Variants in AK5 observed in about 807,000 individuals in gnomAD.
AK5 encodes adenylate kinase 5.
AK5 carries 27 observed loss-of-function variants against 69.5 expected under a neutral mutation model. That is an observed-to-expected ratio of 0.39 (90% CI 0.29 to 0.54). The LOEUF is 0.54. AK5 is among the 20% of genes least tolerant of loss of function. The pLI, the probability that AK5 is intolerant of heterozygous loss-of-function variation, is 0.71. For missense variants in AK5, 531 were observed against 700.4 expected, an observed-to-expected ratio of 0.76 and a Z score of 2.73; for synonymous variants, 260 against 244.4, an observed-to-expected ratio of 1.06 and a Z score of -0.60.
At chr1:77,456,420 A>T (rs1440787457) in intron 8 of AK5, among the ~76,000 whole-genome samples, 1 of 152,228 alleles carries the variant, frequency 6.6e-6, no homozygotes, top group African/African-American at 2.4e-5. Flanking sequence ...GAAGGTTAAC[A>T]GCCTGTTCTG....
intron 7 of AK5, among the ~76,000 whole-genome samples, chr1:77,412,825 C>G (rs1351259850): frequency 6.6e-6 from 1 of 152,132 alleles, no homozygotes; most frequent in Non-Finnish European, 1.5e-5. Context: ...TCACCTTGAC[C>G]TTTCTCCGGG....
At chr1:77,284,916 T>C (rs150708191) in intron 1 of AK5, among the ~76,000 whole-genome samples, 55 of 152,218 alleles carry the variant, frequency 3.6e-4, no homozygotes, top group African/African-American at 1.3e-3. Flanking sequence ...AAAAGAGTCA[T>C]TGAGAGTGTT....
chr1:77,385,211 G>C (rs1024586256), intron 6 of AK5, among the ~76,000 whole-genome samples: 1 of 152,126 alleles, frequency 6.6e-6, no homozygotes, highest in Non-Finnish European at 1.5e-5. Context: ...CCAGGCTGGA[G>C]TGCAGTGGCA....
At chr1:77,354,691 A>G (rs975470547) in intron 6 of AK5, among the ~76,000 whole-genome samples, 4 of 152,228 alleles carry the variant, frequency 2.6e-5, no homozygotes, top group African/African-American at 9.6e-5. Flanking sequence ...TTGAGCTTTC[A>G]AAAATTCATG....
intron 8 of AK5, among the ~76,000 whole-genome samples, chr1:77,437,796 T>C (rs991724446): frequency 2.6e-5 from 4 of 152,084 alleles, no homozygotes; most frequent in Non-Finnish European, 4.4e-5. Flanking sequence ...GGTTTTTTTT[T>C]CCCCTCAGCT....
At chr1:77,390,485 G>A (rs1334692650) in intron 6 of AK5, among the ~76,000 whole-genome samples, 1 of 152,140 alleles carries the variant, frequency 6.6e-6, no homozygotes, top group Non-Finnish European at 1.5e-5. Flanking sequence ...AGGTGAGAGG[G>A]GAGAAGCCCA....
At chr1:77,436,916 G>C (rs1041349254) in intron 8 of AK5, among the ~76,000 whole-genome samples, 5 of 151,962 alleles carry the variant, frequency 3.3e-5, no homozygotes, top group African/African-American at 1.2e-4. Flanking sequence ...AAATACAGCT[G>C]CTTTCATTAA....
intron 8 of AK5, among the ~76,000 whole-genome samples, chr1:77,457,181 C>A (rs533280110): frequency 1.3e-5 from 2 of 152,292 alleles, no homozygotes; most frequent in African/African-American, 4.8e-5. Context: ...TTTAAAGATC[C>A]TGTCTGTGTT....
At chr1:77,297,791 T>C in intron 4 of AK5, 43 bp from the exon 5 acceptor site, 1 of 1,607,262 alleles carries the variant, frequency 6.2e-7, no homozygotes, top group Non-Finnish European at 8.5e-7. Context: ...GTATACTAAG[T>C]TTAACTGTGG....
chr1:77,345,209 A>T lies in AK5; in HGVS notation c.891+4641A>T, dbSNP rs375472778. 1.4e-4 allele frequency among the ~76,000 whole-genome samples: 22 copies of T among 152,314 alleles called. No individual in the cohort carries two copies. In the East Asian group the frequency reaches 4.2e-3, roughly 29 times the overall value. Reference sequence around the variant, plus strand: ...TAGACTGTGAAGTAAACAAATAGTCATTTTCCTTCTGGACTTTTTGTAGGA... The same window carrying T: ...TAGACTGTGAAGTAAACAAATAGTCTTTTTCCTTCTGGACTTTTTGTAGGA... On this transcript the variant is annotated intron_variant, in intron 6 of 13. Coordinates refer to ENST00000354567, the MANE Select transcript of AK5 (RefSeq NM_174858.3).
chr1:77,381,124 G>A (rs7554922), intron 6 of AK5, among the ~76,000 whole-genome samples: 47,381 of 152,098 alleles, frequency 0.31, 7,851 homozygotes, highest in East Asian at 0.59. Context: ...AACCTAGCAT[G>A]TAATGGAATT....
chr1:77,359,105 C>T (rs1039057018), intron 6 of AK5, among the ~76,000 whole-genome samples: 2 of 151,616 alleles, frequency 1.3e-5, no homozygotes, highest in African/African-American at 4.8e-5. Context: ...AATACAAAAA[C>T]TTAGCCGGGC....
intron 8 of AK5, among the ~76,000 whole-genome samples, chr1:77,461,103 G>A (rs1332303744): frequency 5.4e-5 from 8 of 147,964 alleles, no homozygotes; most frequent in African/African-American, 1.5e-4. Context: ...GTGCTATCTC[G>A]GCTCACTGCA....
intron 8 of AK5, among the ~76,000 whole-genome samples, chr1:77,427,457 A>G (rs1484092973): frequency 1.3e-5 from 2 of 152,278 alleles, no homozygotes; most frequent in Middle Eastern, 3.4e-3. Context: ...AACTATCTGA[A>G]TAGGTATATA....
chr1:77,401,865 ATGTGT>A (rs1300610512), intron 6 of AK5, among the ~76,000 whole-genome samples: 1 of 152,070 alleles, frequency 6.6e-6, no homozygotes, highest in East Asian at 1.9e-4. Flanking sequence ...AAATTAAAAC[ATGTGT>A]TGTGAATGAA....
chr1:77,340,239 C>T (rs1379222685), intron 5 of AK5, 138 bp from the exon 6 acceptor site: 1 of 769,542 alleles, frequency 1.3e-6, no homozygotes, highest in African/African-American at 1.7e-5. Context: ...GAGCAGCAGC[C>T]CTGGAAATAC....
chr1:77,546,192 C>T (rs1463928866), intron 13 of AK5, among the ~76,000 whole-genome samples: 1 of 152,138 alleles, frequency 6.6e-6, no homozygotes, highest in East Asian at 1.9e-4. Context: ...CTCATCTGTA[C>T]ACACTCTTGA....
intron 8 of AK5, among the ~76,000 whole-genome samples, chr1:77,428,463 C>G (rs780152775): frequency 6.6e-6 from 1 of 152,126 alleles, no homozygotes; most frequent in Non-Finnish European, 1.5e-5. Context: ...AAACCAAAAC[C>G]AAAAACACTG....
At chr1:77,394,140 G>A (rs901025873) in intron 6 of AK5, among the ~76,000 whole-genome samples, 2 of 151,876 alleles carry the variant, frequency 1.3e-5, no homozygotes, top group East Asian at 1.9e-4. Context: ...GAGTGAACCC[G>A]GGAGGCAGAG....
Sources: gnomAD v4.1 joint callset for allele counts (sites outside exome capture counted in the v4.1 genomes callset) on GRCh38, gnomAD v4.1.1 for gene constraint, MANE v1.5 for transcripts, NCBI Gene and HGNC (gene_info 2026-07-23, HGNC 2026-07-21) for gene names.